Variants in AOPEP observed in about 807,000 individuals in gnomAD.
AOPEP encodes the protein aminopeptidase O.
A neutral mutation model predicts 98.1 loss-of-function variants in AOPEP; 77 were observed. The ratio of observed to expected loss-of-function variants is 0.78; its 90% CI spans 0.65 to 0.95. The LOEUF (loss-of-function observed/expected upper bound fraction) is 0.95. Among genes scored for constraint, AOPEP ranks in the 40% least tolerant of loss-of-function variants. The probability of loss-of-function intolerance (pLI) is 0.00; values close to 1 mark genes in which losing one functional copy is unlikely to be tolerated. For missense variants in AOPEP, 1,024 were observed against 1,024.7 expected (o/e 1.00, Z 0.01); for synonymous variants, 346 against 365.3 (o/e 0.95, Z 0.60).
intron 5 of AOPEP, among the ~76,000 whole-genome samples, chr9:94,818,040 G>A (rs1158213877): frequency 6.6e-6 from 1 of 152,084 alleles, no homozygotes; most frequent in African/African-American, 2.4e-5. Flanking sequence ...CCCTACCATG[G>A]TGCCTCAGAC....
the AOPEP span, chr9:95,111,626 C>A: frequency 6.2e-7 from 1 of 1,614,148 alleles, no homozygotes. Context: ...CTCAAAGGGA[C>A]CTCCGCAGGA....
chr9:94,731,106 T>C (rs1357323439), intron 1 of AOPEP, among the ~76,000 whole-genome samples: 1 of 152,212 alleles, frequency 6.6e-6, no homozygotes, highest in African/African-American at 2.4e-5. Flanking sequence ...ACTAAGGCTT[T>C]CTGGATGCTT....
At chr9:94,731,411 A>T (rs1280179293) in intron 1 of AOPEP, among the ~76,000 whole-genome samples, 1 of 152,008 alleles carries the variant, frequency 6.6e-6, no homozygotes, top group Admixed American at 6.6e-5. Context: ...TATTTTTAGT[A>T]GAGATGGGGT....
intron 5 of AOPEP, among the ~76,000 whole-genome samples, chr9:94,814,536 A>G (rs1851300633): frequency 6.6e-6 from 1 of 152,144 alleles, no homozygotes; most frequent in Admixed American, 6.5e-5. Context: ...CATATTGGAG[A>G]ATGACTCCCC....
chr9:94,984,428 T>C (rs2060391241), intron 11 of AOPEP, among the ~76,000 whole-genome samples: 1 of 152,198 alleles, frequency 6.6e-6, no homozygotes, highest in Non-Finnish European at 1.5e-5. Context: ...GAGTCTGCTT[T>C]TTCAACTCGG....
chr9:94,936,437 A>G (rs917208625), intron 7 of AOPEP, among the ~76,000 whole-genome samples: 2 of 152,202 alleles, frequency 1.3e-5, no homozygotes, highest in Non-Finnish European at 2.9e-5. Flanking sequence ...TCTGGAGGCC[A>G]GGAGTCCCAG....
chr9:95,063,075 G>GT (rs2067469351), intron 14 of AOPEP, among the ~76,000 whole-genome samples: 3 of 152,204 alleles, frequency 2.0e-5, no homozygotes, highest in Non-Finnish European at 4.4e-5. Flanking sequence ...TATGTAGCAG[G>GT]CCTCAGGACT....
Position 94,728,245 on chromosome 9 carries a change from A to ACACACACACT in AOPEP, c.-136+1503_-136+1504insTCACACACAC, listed in dbSNP as rs1564021444. Among the ~76,000 whole-genome samples the ACACACACACT allele has an allele frequency of 2.3e-4, 33 of 144,448 alleles. 1 individual carries two copies. The highest frequency in any genetic ancestry group is 8.4e-4 in the African/African-American group (33 of 39,302). The allele number at this position is 144,448 out of a possible 152,430, so 94.8% of individuals were successfully genotyped here. A position where few individuals can be genotyped will look rare whatever the true frequency, so the allele number is the denominator to read the frequency against. On this transcript the variant is annotated intron_variant, in intron 1 of 16. Coordinates refer to ENST00000375315, the MANE Select transcript of AOPEP (RefSeq NM_001193329.3). ...CCTTCCTGCGTGCGCGCATGCACAC[A>ACACACACACT]CACACACACACACACACACACACAC...
chr9:94,820,978 C>T (rs1012004604), intron 5 of AOPEP, among the ~76,000 whole-genome samples: 1 of 152,104 alleles, frequency 6.6e-6, no homozygotes, highest in Admixed American at 6.6e-5. Flanking sequence ...AATTTTATAA[C>T]GATGTAGTTC....
At chr9:94,912,155 T>A (rs1240732223) in intron 5 of AOPEP, among the ~76,000 whole-genome samples, 3 of 152,158 alleles carry the variant, frequency 2.0e-5, no homozygotes, top group Non-Finnish European at 4.4e-5. Flanking sequence ...AGGAAACCAA[T>A]GCACTGATGC....
chr9:94,741,626 A>G (rs537445169), intron 1 of AOPEP, among the ~76,000 whole-genome samples: 1 of 152,086 alleles, frequency 6.6e-6, no homozygotes, highest in African/African-American at 2.4e-5. Context: ...CGCTTCAGGA[A>G]TCTTACTCTT....
At chr9:95,027,123 A>T (rs1448145552) in intron 13 of AOPEP, among the ~76,000 whole-genome samples, 1 of 152,086 alleles carries the variant, frequency 6.6e-6, no homozygotes, top group East Asian at 1.9e-4. Context: ...TTAGCTGGAT[A>T]CGGTGGCATG....
At chr9:94,988,952 A>C (rs1332339249) in intron 11 of AOPEP, among the ~76,000 whole-genome samples, 1 of 149,380 alleles carries the variant, frequency 6.7e-6, no homozygotes, top group African/African-American at 2.5e-5. Flanking sequence ...TCTGTCGCCC[A>C]GGCTGAAGTG....
At chr9:95,055,825 G>A (rs1457752382) in intron 13 of AOPEP, among the ~76,000 whole-genome samples, 1 of 152,210 alleles carries the variant, frequency 6.6e-6, no homozygotes, top group Non-Finnish European at 1.5e-5. Context: ...GACCCTGCTT[G>A]TGTTGAATTT....
At chr9:95,070,631 C>A (rs1348802260) in intron 14 of AOPEP, among the ~76,000 whole-genome samples, 2 of 152,264 alleles carry the variant, frequency 1.3e-5, no homozygotes, top group Non-Finnish European at 2.9e-5. Flanking sequence ...GGCATTGCGA[C>A]AGGCCCAAAG....
intron 7 of AOPEP, among the ~76,000 whole-genome samples, chr9:94,937,365 T>C (rs138908323): frequency 5.6e-4 from 86 of 152,370 alleles, no homozygotes; most frequent in Non-Finnish European, 1.1e-3. Flanking sequence ...TGCGTGTGCA[T>C]GTCCCTCGTG....
chr9:94,855,548 G>C (rs963388399), intron 5 of AOPEP, among the ~76,000 whole-genome samples: 10 of 152,106 alleles, frequency 6.6e-5, no homozygotes, highest in African/African-American at 2.2e-4. Context: ...TTAGCCAGAC[G>C]TGATGGCGCA....
chr9:94,810,311 G>GTTTTTTT (rs377395781), intron 5 of AOPEP, among the ~76,000 whole-genome samples: 1 of 149,358 alleles, frequency 6.7e-6, no homozygotes, highest in African/African-American at 2.5e-5. Flanking sequence ...TTTAATCAGG[G>GTTTTTTT]TTTTTTTGTT....
chr9:94,905,281 C>CAATAA (rs1343622942), intron 5 of AOPEP, among the ~76,000 whole-genome samples: 1 of 152,180 alleles, frequency 6.6e-6, no homozygotes, highest in Non-Finnish European at 1.5e-5. Context: ...CAATAACAAG[C>CAATAA]TCAAGAGCAA....
Sources: allele counts gnomAD v4.1 joint callset (sites outside exome capture counted in the v4.1 genomes callset), GRCh38; gene constraint gnomAD v4.1.1; transcripts MANE v1.5; gene names NCBI Gene and HGNC (gene_info 2026-07-23, HGNC 2026-07-21).